NR2C2: variants seen among roughly 807,000 people sequenced by gnomAD.
The protein encoded by NR2C2 is Nuclear hormone receptor TR4.
In NR2C2, 6 loss-of-function variants were observed where a neutral mutation model predicts 62.9. The observed-to-expected ratio is 0.10, with a 90% CI of 0.05 to 0.19. NR2C2 has a LOEUF of 0.19. Among genes scored for constraint, NR2C2 ranks in the 10% least tolerant of loss-of-function variants. The pLI, the probability that NR2C2 is intolerant of heterozygous loss-of-function variation, is 1.00. For synonymous variants in NR2C2, 272 were observed against 273.8 expected, an observed-to-expected ratio of 0.99 and a Z score of 0.07; for missense variants, 479 against 762.7, an observed-to-expected ratio of 0.63 and a Z score of 4.38.
chr3:15,034,792 AG>A lies in NR2C2; in HGVS notation c.1356del (p.Asn453ThrfsTer13). On this transcript the variant is annotated frameshift_variant, in exon 11 of 14. Transcript: ENST00000425241. LOFTEE classifies it high-confidence loss of function. Reference protein sequence around the residue: ...TILAAIVNHLQNSIQEDKLSG... With the variant: ...TILAAIVNHLXNSIQEDKLSG... ...CTGGCTGCCATTGTCAACCACCTGC[AG>A]AACAGCATCCAGGAAGGTAGGGCAC... is the stretch of plus-strand genomic sequence containing the variant. 1 of 1,613,358 alleles carries A rather than the reference AG, an allele frequency of 6.2e-7. No individual in the cohort carries two copies.
At chr3:15,030,654 C>A (rs1320864381) in intron 9 of NR2C2, among the ~76,000 whole-genome samples, 3 of 152,238 alleles carry the variant, frequency 2.0e-5, no homozygotes, top group Middle Eastern at 3.4e-3. Context: ...ATGGTGAAAT[C>A]CCATCTCTCC....
chr3:14,959,298 ACTT>A (rs983018685), intron 1 of NR2C2: 63 of 152,264 alleles, frequency 4.1e-4, no homozygotes, highest in African/African-American at 1.5e-3. Context: ...ATTCTGTTTT[ACTT>A]CTTACATTGT....
chr3:15,033,433 G>A (rs897100441), intron 10 of NR2C2, among the ~76,000 whole-genome samples: 3 of 152,190 alleles, frequency 2.0e-5, no homozygotes, highest in African/African-American at 7.2e-5. Flanking sequence ...GGTTCTGTGG[G>A]TCAGGTGGTG....
At chr3:15,000,822 T>G (rs973939868) in intron 1 of NR2C2, among the ~76,000 whole-genome samples, 4 of 150,468 alleles carry the variant, frequency 2.7e-5, no homozygotes, top group Non-Finnish European at 4.4e-5. Context: ...AGGTTTTTTT[T>G]TTTTTTTTTT....
At chr3:14,962,191 A>G (rs148705095) in intron 1 of NR2C2, among the ~76,000 whole-genome samples, 41 of 152,326 alleles carry the variant, frequency 2.7e-4, no homozygotes, top group African/African-American at 8.7e-4. Flanking sequence ...TTGTCAGTGG[A>G]AGTTTCTAAA....
chr3:15,004,505 A>C, intron 2 of NR2C2: 1 of 1,509,206 alleles, frequency 6.6e-7, no homozygotes, highest in Non-Finnish European at 9.0e-7. Context: ...ACTTATTACT[A>C]ATATTGTTAT....
chr3:15,003,837 C>T, intron 1 of NR2C2, 39 bp from the exon 2 acceptor site: 2 of 1,398,678 alleles, frequency 1.4e-6, no homozygotes, highest in African/African-American at 1.4e-5. Flanking sequence ...GGGCATCATT[C>T]TGAACCCCCT....
chr3:15,004,798 A>T (rs1451508341), intron 2 of NR2C2, among the ~76,000 whole-genome samples: 1 of 152,112 alleles, frequency 6.6e-6, no homozygotes, highest in African/African-American at 2.4e-5. Context: ...TTAGTTGCAT[A>T]TATGTTTTAT....
rs894267996 is a variant in NR2C2, at chr3:15,028,046, G to T, written c.799-540G>T. Among the ~76,000 whole-genome samples the T allele has an allele frequency of 5.9e-4, 90 of 152,206 alleles. 1 individual carries two copies. The highest frequency in any genetic ancestry group is 2.1e-3 in the African/African-American group (86 of 41,528). On this transcript the variant is annotated intron_variant, in intron 7 of 13. Coordinates refer to ENST00000425241, the MANE Select transcript of NR2C2 (RefSeq NM_001291694.2). The stretch of plus-strand genomic sequence containing the variant: ...GCTAATTTTTTGCATTTTTAGTAGA[G>T]ACAGGGTTTCACCATGTTTGCCAGG...
rs919965685 is a variant in NR2C2 at position 14,955,390 on chromosome 3, G to T, written c.-40+7484G>T. The stretch of plus-strand genomic sequence containing the variant: ...CAGTTATTAAATGATCTAGCTTATT[G>T]ATGTAAGCAATTTTTGTTCCCTTAG... On this transcript the variant is annotated intron_variant, in intron 1 of 13. Transcript: ENST00000425241. Among the ~76,000 whole-genome samples, 4 of 152,000 alleles carry T rather than the reference G, an allele frequency of 2.6e-5. No individual in the cohort carries two copies. The South Asian group carries it at 6.2e-4, about 24-fold the overall frequency.
chr3:14,963,459 G>A (rs1210319295), intron 1 of NR2C2, among the ~76,000 whole-genome samples: 2 of 151,948 alleles, frequency 1.3e-5, no homozygotes, highest in South Asian at 2.1e-4. Flanking sequence ...GTTGAGATTC[G>A]CATTTTTTAT....
intron 1 of NR2C2, chr3:14,959,722 T>C (rs957004068): frequency 6.6e-6 from 1 of 152,098 alleles, no homozygotes; most frequent in Non-Finnish European, 1.5e-5. Flanking sequence ...TCCAGGAAGT[T>C]GGTGTGGGAG....
intron 1 of NR2C2, among the ~76,000 whole-genome samples, chr3:14,975,178 A>G (rs551628021): frequency 1.3e-5 from 2 of 152,070 alleles, no homozygotes. Context: ...TGAATGAGGG[A>G]TAATTTTACT....
chr3:15,012,246 G>C (rs1171841997), intron 2 of NR2C2, among the ~76,000 whole-genome samples: 2 of 150,204 alleles, frequency 1.3e-5, no homozygotes, highest in East Asian at 3.9e-4. Context: ...TTTTTTTGGA[G>C]ACGGAGTTTC....
In NR2C2 at chr3:15,003,883, G is replaced by A. The variant is rs754805027; in HGVS notation, c.-32G>A. ...CCCACTTCTCACCCACAGGTAACAC[G>A]TACACAGACCTCTCGGCCGGAATCT... On this transcript the variant is annotated 5_prime_UTR_variant, in exon 2 of 14. Transcript: ENST00000425241. The A allele has an allele frequency of 6.8e-6, 11 of 1,610,228 alleles. No homozygotes were observed. Among genetic ancestry groups the A allele is most frequent in the Middle Eastern group, 3.3e-4 (2 of 6,078 alleles).
At chr3:15,014,597 C>T (rs1290888643) in intron 3 of NR2C2, among the ~76,000 whole-genome samples, 1 of 152,030 alleles carries the variant, frequency 6.6e-6, no homozygotes, top group African/African-American at 2.4e-5. Flanking sequence ...CTCTGTGTAA[C>T]TCTTTTCCTC....
At chr3:15,001,743 A>C (rs2041010048) in intron 1 of NR2C2, among the ~76,000 whole-genome samples, 1 of 152,096 alleles carries the variant, frequency 6.6e-6, no homozygotes, top group African/African-American at 2.4e-5. Context: ...TAACCTACTG[A>C]GTACCCGGGA....
chr3:15,007,271 G>A (rs2041206494), intron 2 of NR2C2, among the ~76,000 whole-genome samples: 1 of 151,828 alleles, frequency 6.6e-6, no homozygotes. Flanking sequence ...GGGAATACAG[G>A]TGCTCGCCAC....
At chr3:14,971,171 G>T (rs2040024081) in intron 1 of NR2C2, among the ~76,000 whole-genome samples, 1 of 152,098 alleles carries the variant, frequency 6.6e-6, no homozygotes, top group Non-Finnish European at 1.5e-5. Context: ...AGGCTGGAGT[G>T]CAGTGGCGCA....
Sources: allele counts gnomAD v4.1 joint callset (sites outside exome capture counted in the v4.1 genomes callset), GRCh38; gene constraint gnomAD v4.1.1; transcripts MANE v1.5; gene names NCBI Gene and HGNC (gene_info 2026-07-23, HGNC 2026-07-21).